TAAR5: variants seen among roughly 807,000 people sequenced by gnomAD.
TAAR5 encodes the protein trace amine associated receptor 5, also known as trace amine-associated receptor 5.
Under a neutral mutation model 21.1 loss-of-function variants are expected in TAAR5, and 27 were observed. The ratio of observed to expected loss-of-function variants is 1.28; its 90% CI spans 0.94 to 1.76. The LOEUF (loss-of-function observed/expected upper bound fraction) is 1.76. Among genes scored for constraint, TAAR5 ranks in the 40% most tolerant of loss-of-function variants. TAAR5 has a pLI of 0.00. For missense variants in TAAR5, 495 were observed against 405.6 expected, an observed-to-expected ratio of 1.22 and a Z score of -1.89; for synonymous variants, 203 against 167.5, an observed-to-expected ratio of 1.21 and a Z score of -1.64.
the TAAR5 span, among the ~76,000 whole-genome samples, chr6:132,602,980 A>G: frequency 6.6e-6 from 1 of 152,114 alleles, no homozygotes; most frequent in Non-Finnish European, 1.5e-5. Context: ...AATAAGAAAC[A>G]TGGCCTTGCT....
the TAAR5 span, among the ~76,000 whole-genome samples, chr6:132,611,279 A>G: frequency 6.6e-6 from 1 of 151,926 alleles, no homozygotes; most frequent in African/African-American, 2.4e-5. Flanking sequence ...CAGAGGCTGG[A>G]AAGGATAGTG....
In TAAR5 at chr6:132,589,592, C is replaced by T; in HGVS notation, c.95G>A (p.Gly32Asp). Reference protein sequence around the residue: ...GSCPRTVHTLGIQLVIYLACA... With the variant: ...GSCPRTVHTLDIQLVIYLACA... ...GGCCAGGTAGATGACCAACTGGATG[C>T]CCAGAGTATGTACTGTCCTGGGGCA... The change falls in exon 1 of 1, where the codon GGC becomes GAC. Residue 32 changes from glycine to aspartate, a missense_variant. Transcript: ENST00000258034. 6.2e-7 allele frequency: 1 copy of T among 1,613,846 alleles called. No homozygotes were observed. The highest frequency in any genetic ancestry group is 1.3e-5 in the African/African-American group (1 of 74,948).
At chr6:132,614,665 T>C in the TAAR5 span, among the ~76,000 whole-genome samples, 1 of 152,096 alleles carries the variant, frequency 6.6e-6, no homozygotes, top group Non-Finnish European at 1.5e-5. Flanking sequence ...GAAAGTTTAG[T>C]GTAGAGGATT....
At chr6:132,612,456 T>C in the TAAR5 span, among the ~76,000 whole-genome samples, 1 of 152,192 alleles carries the variant, frequency 6.6e-6, no homozygotes, top group African/African-American at 2.4e-5. Context: ...CTGATGGTAT[T>C]CTTATAAAAT....
At chr6:132,600,478 G>A in the TAAR5 span, among the ~76,000 whole-genome samples, 1 of 152,084 alleles carries the variant, frequency 6.6e-6, no homozygotes, top group Non-Finnish European at 1.5e-5. Context: ...CTCCCCAATC[G>A]GCCATGAGGA....
At chr6:132,600,007 T>C in the TAAR5 span, among the ~76,000 whole-genome samples, 8 of 152,046 alleles carry the variant, frequency 5.3e-5, no homozygotes, top group Non-Finnish European at 8.8e-5. Flanking sequence ...AAAAAAACCC[T>C]GATGAGGTTA....
In TAAR5 at chr6:132,589,318, G is replaced by A. The variant is rs1477560273; in HGVS notation, c.369C>T (p.Phe123=). ...LDTLFCLTSI[F]HLCFISIDRH... ...GGTCAATGGAAATGAAACAGAGATG[G>A]AAGATGGAGGTGAGGCAGAAGAGGG... Residue 123 remains phenylalanine, a synonymous_variant, in exon 1 of 1, where the codon TTC becomes TTT. Transcript: ENST00000258034. The A allele has an allele frequency of 6.2e-7, 1 of 1,613,776 alleles. No individual in the cohort carries two copies. Among genetic ancestry groups the A allele is most frequent in the Non-Finnish European group, 8.5e-7 (1 of 1,179,874 alleles).
At chr6:132,591,446 A>G (rs897534932), upstream of TAAR5, among the ~76,000 whole-genome samples, 4 of 152,192 alleles carry the variant, frequency 2.6e-5, no homozygotes, top group Admixed American at 2.0e-4. Context: ...TCCTTTCTCT[A>G]CAAATCCATG....
chr6:132,611,858 C>A, the TAAR5 span, among the ~76,000 whole-genome samples: 2 of 152,306 alleles, frequency 1.3e-5, no homozygotes, highest in South Asian at 2.1e-4. Flanking sequence ...CAGTTTATTA[C>A]TACTGTATCA....
upstream of TAAR5, among the ~76,000 whole-genome samples, chr6:132,592,386 G>A (rs1436978755): frequency 1.3e-5 from 2 of 152,192 alleles, no homozygotes; most frequent in East Asian, 3.8e-4. Flanking sequence ...CTTCACTCAG[G>A]TTCAGAGATT....
At chr6:132,608,189 G>A in the TAAR5 span, 1 of 375,680 alleles carries the variant, frequency 2.7e-6, no homozygotes, top group Non-Finnish European at 5.2e-6. Context: ...TGTGCTGCAA[G>A]TCAAAATAAT....
chr6:132,611,222 A>G, the TAAR5 span, among the ~76,000 whole-genome samples: 101 of 152,162 alleles, frequency 6.6e-4, 1 homozygote, highest in African/African-American at 1.9e-3. Context: ...AAAAGAAAAA[A>G]AAAAAAGCAT....
chr6:132,606,129 T>C, the TAAR5 span, among the ~76,000 whole-genome samples: 1 of 152,098 alleles, frequency 6.6e-6, no homozygotes, highest in African/African-American at 2.4e-5. Flanking sequence ...GAAGTAAGCA[T>C]TGAATAAAAC....
chr6:132,602,362 T>C, the TAAR5 span, among the ~76,000 whole-genome samples: 1 of 152,184 alleles, frequency 6.6e-6, no homozygotes. Context: ...GATGGCTCCA[T>C]CCAGGGGTGA....
the TAAR5 span, among the ~76,000 whole-genome samples, chr6:132,606,455 C>T: frequency 6.6e-6 from 1 of 152,168 alleles, no homozygotes; most frequent in African/African-American, 2.4e-5. Context: ...GTGATGTCTA[C>T]TGTCCTATGA....
the TAAR5 span, among the ~76,000 whole-genome samples, chr6:132,600,868 GGAGA>G: frequency 4.8e-3 from 356 of 73,732 alleles, 3 homozygotes; most frequent in Middle Eastern, 9.4e-3. Flanking sequence ...AAGGAAGGAA[GGAGA>G]GAGGGAAGGA....
chr6:132,600,255 G>A, the TAAR5 span, among the ~76,000 whole-genome samples: 3 of 145,282 alleles, frequency 2.1e-5, no homozygotes, highest in South Asian at 6.8e-4. Flanking sequence ...TAAAGAGCTG[G>A]TTCATTATTG....
chr6:132,608,546 GT>G, the TAAR5 span: 10 of 455,406 alleles, frequency 2.2e-5, no homozygotes, highest in African/African-American at 4.0e-5. Context: ...TTGGATAGGT[GT>G]TTTTTCACTG....
Position 132,589,393 on chromosome 6 carries a change from G to A in TAAR5, c.294C>T (p.Ser98=). 6.2e-7 allele frequency: 1 copy of A among 1,614,114 alleles called. No homozygotes were observed. The highest frequency in any genetic ancestry group is 8.5e-7 in the Non-Finnish European group (1 of 1,179,984). The change falls in exon 1 of 1, where the codon AGC becomes AGT. Residue 98 remains serine, a synonymous_variant. Transcript: ENST00000258034. ...LPLSTIRSVE[S]CWFFGDFLCR... ...AGAGGAAGTCCCCGAAGAACCAGCA[G>A]CTCTCCACTGAGCGAATGGTGCTGA...
Sources: gnomAD v4.1 joint callset for allele counts (sites outside exome capture counted in the v4.1 genomes callset) on GRCh38, gnomAD v4.1.1 for gene constraint, MANE v1.5 for transcripts, NCBI Gene and HGNC (gene_info 2026-07-23, HGNC 2026-07-21) for gene names.